The following EHD2 variants were observed in gnomAD, a reference collection of about 807,000 sequenced individuals.
EHD2 encodes EH domain-containing protein 2.
A neutral mutation model predicts 41.0 loss-of-function variants in EHD2; 27 were observed. That is an observed-to-expected ratio of 0.66 (90% confidence interval 0.49 to 0.91). EHD2 has a LOEUF of 0.91. Among genes scored for constraint, EHD2 ranks in the 40% least tolerant of loss-of-function variants. The probability of loss-of-function intolerance (pLI) is 0.00; values close to 1 mark genes in which losing one functional copy is unlikely to be tolerated. For synonymous variants in EHD2, 342 were observed against 341.0 expected (o/e 1.00, Z -0.03); for missense variants, 673 against 773.9 (o/e 0.87, Z 1.55).
At chr19:47,721,591 G>C (rs1973697804) in intron 3 of EHD2, among the ~76,000 whole-genome samples, 1 of 151,922 alleles carries the variant, frequency 6.6e-6, no homozygotes, top group African/African-American at 2.4e-5. Context: ...TGGGATTACA[G>C]GCATGAGCCA....
At position 47,742,413 on chromosome 19, in the gene EHD2, C is replaced by T. The variant is rs1394799780; in HGVS notation, c.*981C>T. ...TCAGCCTCCTGAGTAGCTGGGACTG[C>T]AGGCACGCGCCACCACGCCCAGCTA... On this transcript the variant is annotated 3_prime_UTR_variant, in exon 6 of 6. Coordinates refer to ENST00000263277, the MANE Select transcript of EHD2 (RefSeq NM_014601.4). 5.7e-6 allele frequency: 1 copy of T among 174,534 alleles called. No homozygotes were observed. Among genetic ancestry groups the T allele is most frequent in the Non-Finnish European group, 1.2e-5 (1 of 83,680 alleles). The allele number at this position is 174,534 out of a possible 1,614,324, so 10.8% of individuals were successfully genotyped here. A position where few individuals can be genotyped will look rare whatever the true frequency, so the allele number is the denominator to read the frequency against.
At chr19:47,730,258 T>C (rs1046521685) in intron 4 of EHD2, among the ~76,000 whole-genome samples, 2 of 151,130 alleles carry the variant, frequency 1.3e-5, no homozygotes, top group Non-Finnish European at 2.9e-5. Context: ...CCTCCTTTGG[T>C]CCCTACGGAG....
rs555978293 is a variant in EHD2, at chr19:47,719,769, C to T, written c.502+1163C>T. 6.6e-6 allele frequency among the ~76,000 whole-genome samples: 1 copy of T among 152,076 alleles called. No individual in the cohort carries two copies. Among genetic ancestry groups the T allele is most frequent in the East Asian group, 1.9e-4 (1 of 5,144 alleles). ...TGAGGGGGAGGAATTCCTGGGGCTCCCACCCCAGGGCCTGGACCTGGGACA... is the reference window on the plus strand; with the variant it reads ...TGAGGGGGAGGAATTCCTGGGGCTCTCACCCCAGGGCCTGGACCTGGGACA... On this transcript the variant is annotated intron_variant, in intron 3 of 5. Transcript: ENST00000263277. The surrounding 1 kb of genome is among the most constrained non-coding windows in gnomAD (Gnocchi z 4.1).
intron 4 of EHD2, among the ~76,000 whole-genome samples, chr19:47,728,006 G>T (rs576255987): frequency 5.4e-5 from 8 of 147,800 alleles, no homozygotes; most frequent in African/African-American, 1.8e-4. Context: ...TGAGGCATGA[G>T]AATCACTTGA....
intron 4 of EHD2, among the ~76,000 whole-genome samples, chr19:47,727,232 G>A (rs935461523): frequency 6.6e-6 from 1 of 151,998 alleles, no homozygotes; most frequent in Non-Finnish European, 1.5e-5. Flanking sequence ...AGCCTCCCGA[G>A]TAGCTGGGAT....
chr19:47,733,164 C>T (rs1198175177), intron 4 of EHD2: 1 of 151,654 alleles, frequency 6.6e-6, no homozygotes, highest in Non-Finnish European at 1.5e-5. Context: ...CAAATATTTC[C>T]TGAGTGTTTT....
At chr19:47,729,105 A>C (rs900692179) in intron 4 of EHD2, among the ~76,000 whole-genome samples, 12 of 152,148 alleles carry the variant, frequency 7.9e-5, no homozygotes, top group Admixed American at 3.3e-4. Flanking sequence ...TCCAGGGCTC[A>C]GTCCTCACTG....
rs1479597312 is a variant in EHD2 at position 47,713,471 on chromosome 19, G to A, written c.-123G>A. On this transcript the variant is annotated 5_prime_UTR_variant, in exon 1 of 6. Transcript: ENST00000263277. ...GCACAGGCCGCTCCGCGGGCGCTTC[G>A]GATCCTCGCGGGACCCCACCCTCTC... The A allele has an allele frequency of 6.6e-6, 1 of 152,314 alleles. No homozygotes were observed. Among genetic ancestry groups the A allele is most frequent in the Non-Finnish European group, 1.5e-5 (1 of 68,214 alleles). 9.4% of individuals were successfully genotyped at this position (152,314 alleles called of 1,614,324 possible). A position where few individuals can be genotyped will look rare whatever the true frequency, so the allele number is the denominator to read the frequency against.
chr19:47,735,600 A>G (rs1384835335), intron 4 of EHD2, among the ~76,000 whole-genome samples: 1 of 150,494 alleles, frequency 6.6e-6, no homozygotes, highest in Non-Finnish European at 1.5e-5. Context: ...CCTGTCTCCA[A>G]AAAAAAAAGA....
chr19:47,729,319 G>T (rs1973784605), intron 4 of EHD2, among the ~76,000 whole-genome samples: 1 of 152,170 alleles, frequency 6.6e-6, no homozygotes, highest in Non-Finnish European at 1.5e-5. Flanking sequence ...AGGTGGTGTG[G>T]GCTGTGTCCG....
chr19:47,733,115 T>C (rs1356605327), intron 4 of EHD2: 1 of 151,752 alleles, frequency 6.6e-6, no homozygotes, highest in African/African-American at 2.4e-5. Context: ...AATAAAAAGA[T>C]TGTGTTTCAA....
At chr19:47,715,862 G>A (rs1973619580) in intron 1 of EHD2, among the ~76,000 whole-genome samples, 1 of 152,028 alleles carries the variant, frequency 6.6e-6, no homozygotes, top group East Asian at 1.9e-4. Flanking sequence ...CTGCCTCCTG[G>A]GTTCAAGTGA....
rs535000592 is a variant in EHD2 at position 47,717,341 on chromosome 19, G to A, written c.404+325G>A. On this transcript the variant is annotated intron_variant, in intron 2 of 5. Coordinates refer to ENST00000263277, the MANE Select transcript of EHD2 (RefSeq NM_014601.4). ...TGGGATTACACGAGTGAGCCACTGC[G>A]CCCGGCCCTGGGGGCACGTCTTTCT... Among the ~76,000 whole-genome samples the A allele has an allele frequency of 7.9e-5, 12 of 152,098 alleles. No individual in the cohort carries two copies. The South Asian group carries it at 2.1e-3, about 26-fold the overall frequency.
intron 5 of EHD2, among the ~76,000 whole-genome samples, chr19:47,738,569 T>C (rs1189240682): frequency 1.3e-5 from 2 of 152,254 alleles, no homozygotes; most frequent in East Asian, 3.8e-4. Context: ...CCCAAAGTGC[T>C]GGGATTGCAG....
chr19:47,741,118 G>A lies in EHD2; in HGVS notation c.1318G>A (p.Asp440Asn), dbSNP rs774330726. Reference sequence around the variant, plus strand: ...GGAGGACGGCGAGGAGGGCTCGGACGACGAGGCCGAGTGGGTGGTGACCAA... The same window carrying A: ...GGAGGACGGCGAGGAGGGCTCGGACAACGAGGCCGAGTGGGTGGTGACCAA... ...AMEDGEEGSDDEAEWVVTKDK... is the reference protein window; with the variant it reads ...AMEDGEEGSDNEAEWVVTKDK... The change falls in exon 6 of 6, where the codon GAC becomes AAC. Residue 440 changes from aspartate to asparagine, a missense_variant. By Grantham distance (23) the Asp-to-Asn change is conservative. Transcript: ENST00000263277. The surrounding 1 kb of genome is among the most constrained non-coding windows in gnomAD (Gnocchi z 4.5). 1 of 1,610,958 alleles carries A rather than the reference G, an allele frequency of 6.2e-7. No homozygotes were observed. Among genetic ancestry groups the A allele is most frequent in the East Asian group, 2.2e-5 (1 of 44,862 alleles).
intron 2 of EHD2, among the ~76,000 whole-genome samples, chr19:47,717,307 C>T (rs1193190767): frequency 6.6e-6 from 1 of 152,068 alleles, no homozygotes. Context: ...CCTCAGCCTC[C>T]CAAAGTGTTG....
rs1049566103 is a variant in EHD2 at position 47,719,358 on chromosome 19, G to T, written c.502+752G>T. Among the ~76,000 whole-genome samples the T allele has an allele frequency of 6.6e-6, 1 of 152,128 alleles. No homozygotes were observed. The highest frequency in any genetic ancestry group is 2.1e-4 in the South Asian group (1 of 4,834). ...CTGGGCCACAGATGGGGCCGAGAAG[G>T]GGATGGGAAGGGAATCTGGGTGGGG... On this transcript the variant is annotated intron_variant, in intron 3 of 5. Transcript: ENST00000263277. The surrounding 1 kb of genome is among the most constrained non-coding windows in gnomAD (Gnocchi z 4.1).
At chr19:47,728,165 T>C (rs1052732933) in intron 4 of EHD2, among the ~76,000 whole-genome samples, 4 of 151,248 alleles carry the variant, frequency 2.6e-5, no homozygotes, top group Non-Finnish European at 5.9e-5. Context: ...CTCCCATGAC[T>C]CTTGTTTGAT....
At chr19:47,727,721 T>C (rs1973766705) in intron 4 of EHD2, among the ~76,000 whole-genome samples, 1 of 146,798 alleles carries the variant, frequency 6.8e-6, no homozygotes, top group Admixed American at 6.9e-5. Context: ...AAAAAAAAGT[T>C]CTGATAACCC....
Sources: gnomAD v4.1 joint callset for allele counts (sites outside exome capture counted in the v4.1 genomes callset) on GRCh38, gnomAD v4.1.1 for gene constraint, Gnocchi (gnomAD v3.1) non-coding constraint, MANE v1.5 for transcripts, NCBI Gene and HGNC (gene_info 2026-07-23, HGNC 2026-07-21) for gene names.